PRKCB: variants seen among roughly 807,000 people sequenced by gnomAD.
PRKCB encodes protein kinase C beta.
In PRKCB, 13 loss-of-function variants were observed where a neutral mutation model predicts 81.5. The ratio of observed to expected loss-of-function variants is 0.16; its 90% CI spans 0.10 to 0.25. The LOEUF (loss-of-function observed/expected upper bound fraction) is 0.25, where lower values mean the gene tolerates loss of function less well. PRKCB is among the 10% of genes least tolerant of loss of function. The pLI is 1.00. For missense variants in PRKCB, 509 were observed against 875.7 expected, an observed-to-expected ratio of 0.58 and a Z score of 5.29; for synonymous variants, 335 against 321.4, an observed-to-expected ratio of 1.04 and a Z score of -0.45.
chr16:24,068,470 C>T (rs1400463124), intron 5 of PRKCB, among the ~76,000 whole-genome samples: 1 of 142,256 alleles, frequency 7.0e-6, no homozygotes. Context: ...TGATTTATGG[C>T]CCAAAGGAAA....
chr16:24,022,150 C>T (rs539862638), intron 3 of PRKCB, among the ~76,000 whole-genome samples: 1 of 152,142 alleles, frequency 6.6e-6, no homozygotes, highest in East Asian at 1.9e-4. Flanking sequence ...TAGTTTCAAA[C>T]CTGTTTTTGA....
rs1244337743 is a variant in PRKCB at position 24,199,936 on chromosome 16, C to T, written c.1863+8706C>T. On this transcript the variant is annotated intron_variant, in intron 16 of 16. Transcript: ENST00000643927. ...TTTGTGATTGTGCTACCAGGAGAGT[C>T]ATGATAACACCATCGAATGGTGTCT... Among the ~76,000 whole-genome samples, 7 of 152,292 alleles carry T rather than the reference C, an allele frequency of 4.6e-5. No homozygotes were observed. The South Asian group carries it at 8.3e-4, about 18-fold the overall frequency.
At chr16:23,888,341 G>A (rs1963237497) in intron 2 of PRKCB, among the ~76,000 whole-genome samples, 1 of 152,200 alleles carries the variant, frequency 6.6e-6, no homozygotes, top group South Asian at 2.1e-4. Flanking sequence ...CTCTCTGAGT[G>A]GGCCTATTGG....
At chr16:23,964,630 T>C (rs1964464618) in intron 2 of PRKCB, among the ~76,000 whole-genome samples, 1 of 152,006 alleles carries the variant, frequency 6.6e-6, no homozygotes, top group South Asian at 2.1e-4. Flanking sequence ...AAACTGGGAC[T>C]GGAATTCTGT....
Position 24,219,996 on chromosome 16 carries a change from G to GT in PRKCB, c.*5182dup. 6.2e-7 allele frequency: 1 copy of GT among 1,614,114 alleles called. No individual in the cohort carries two copies. Among genetic ancestry groups the GT allele is most frequent in the Non-Finnish European group, 8.5e-7 (1 of 1,180,014 alleles). ...GAGACACCTCCAACTTCGACAAAGA[G>GT]TTCACCAGACAGCCTGTGGAACTGA... On this transcript the variant is annotated 3_prime_UTR_variant, in exon 17 of 17. Transcript: ENST00000643927.
chr16:23,847,463 T>TCCAC lies in PRKCB; in HGVS notation c.205+10060_205+10061insCCCA, dbSNP rs1962396569. Among the ~76,000 whole-genome samples the TCCAC allele has an allele frequency of 1.7e-4, 25 of 149,852 alleles. 1 individual carries two copies. The South Asian group carries it at 4.8e-3, about 29-fold the overall frequency. On this transcript the variant is annotated intron_variant, in intron 2 of 16. Transcript: ENST00000643927. ...ATCCATCCATCCATCCATCCATCCA[T>TCCAC]CCATCCATCCATCCACCCAGCTATT...
In PRKCB at chr16:24,134,895, A is replaced by G. The variant is rs949662952; in HGVS notation, c.1065+10914A>G. ...CATTGCACTCCAGCCTGGACAGCAG[A>G]GGGACACCCTGTCTCTTATATATTT... is the stretch of plus-strand genomic sequence containing the variant. On this transcript the variant is annotated intron_variant, in intron 9 of 16. Transcript: ENST00000643927. 3.3e-5 allele frequency among the ~76,000 whole-genome samples: 5 copies of G among 152,264 alleles called. 1 individual carries two copies. Among genetic ancestry groups the G allele is most frequent in the Admixed American group, 1.3e-4 (2 of 15,282 alleles).
At chr16:23,970,572 G>T (rs929142061) in intron 2 of PRKCB, among the ~76,000 whole-genome samples, 1 of 152,212 alleles carries the variant, frequency 6.6e-6, no homozygotes, top group Non-Finnish European at 1.5e-5. Flanking sequence ...TCTTCAAAGG[G>T]CAGAATATGA....
chr16:23,988,104 T>G (rs1024879948), intron 2 of PRKCB, among the ~76,000 whole-genome samples: 1 of 152,184 alleles, frequency 6.6e-6, no homozygotes, highest in African/African-American at 2.4e-5. Context: ...TAAGTGTGAT[T>G]CTAGGATTTA....
At chr16:24,105,955 T>A (rs1278354650) in intron 7 of PRKCB, among the ~76,000 whole-genome samples, 1 of 152,162 alleles carries the variant, frequency 6.6e-6, no homozygotes, top group East Asian at 1.9e-4. Flanking sequence ...ATGGTGTTTC[T>A]AAAGTTTTCT....
intron 15 of PRKCB, among the ~76,000 whole-genome samples, chr16:24,188,314 C>G (rs1229306336): frequency 1.3e-5 from 2 of 152,172 alleles, no homozygotes; most frequent in African/African-American, 4.8e-5. Flanking sequence ...AATGCTTCCT[C>G]TGGAACAGCG....
intron 10 of PRKCB, among the ~76,000 whole-genome samples, chr16:24,164,781 G>T (rs1967317567): frequency 1.3e-5 from 2 of 152,190 alleles, no homozygotes; most frequent in Admixed American, 1.3e-4. Context: ...CGATACGCAA[G>T]AAATACTTTT....
chr16:23,935,710 A>C (rs762238404), intron 2 of PRKCB, among the ~76,000 whole-genome samples: 1 of 152,228 alleles, frequency 6.6e-6, no homozygotes, highest in South Asian at 2.1e-4. Flanking sequence ...AAGAGAATGA[A>C]ATCATATCCT....
chr16:24,174,313 G>A, intron 11 of PRKCB: 1 of 528,796 alleles, frequency 1.9e-6, no homozygotes, highest in Admixed American at 3.2e-5. Flanking sequence ...CCTACCCCCA[G>A]TTTGTCCTTA....
At chr16:24,020,970 T>TTTTC (rs200914323) in intron 3 of PRKCB, among the ~76,000 whole-genome samples, 1 of 120,566 alleles carries the variant, frequency 8.3e-6, no homozygotes, top group East Asian at 2.6e-4. Flanking sequence ...TGAGAGAGAC[T>TTTTC]TTTCTTTTTC....
intron 2 of PRKCB, among the ~76,000 whole-genome samples, chr16:23,879,049 G>A (rs1425759141): frequency 6.6e-6 from 1 of 152,066 alleles, no homozygotes; most frequent in Non-Finnish European, 1.5e-5. Context: ...GTGGTGGCAC[G>A]CGCCTGTAAT....
At position 24,052,688 on chromosome 16, in the gene PRKCB, G is replaced by A. The variant is rs142372957; in HGVS notation, c.529+17141G>A. 4.8e-4 allele frequency among the ~76,000 whole-genome samples: 73 copies of A among 152,292 alleles called. No homozygotes were observed. The East Asian group carries it at 9.5e-3, about 20-fold the overall frequency. The stretch of plus-strand genomic sequence containing the variant: ...CGCTGCTGGGAGTGTCTCTTAGCAT[G>A]CTAATGCATTACAATTACTGTATAA... On this transcript the variant is annotated intron_variant, in intron 5 of 16. Transcript: ENST00000643927.
intron 13 of PRKCB, among the ~76,000 whole-genome samples, chr16:24,184,045 T>C (rs1967666551): frequency 6.6e-6 from 1 of 152,222 alleles, no homozygotes; most frequent in African/African-American, 2.4e-5. Flanking sequence ...GTTACAGCAT[T>C]GGAAGAAACC....
At chr16:24,113,168 T>C in intron 8 of PRKCB, 99 bp downstream of exon 8, 1 of 819,390 alleles carries the variant, frequency 1.2e-6, no homozygotes, top group South Asian at 2.0e-5. Context: ...TCTCTTATTC[T>C]TTTTTCTCTC....
Sources: gnomAD v4.1 joint callset for allele counts (sites outside exome capture counted in the v4.1 genomes callset) on GRCh38, gnomAD v4.1.1 for gene constraint, MANE v1.5 for transcripts, NCBI Gene and HGNC (gene_info 2026-07-23, HGNC 2026-07-21) for gene names.